Variants in RCAN2 observed in about 807,000 individuals in gnomAD.
RCAN2 encodes calcipressin-2.
In RCAN2, 9 loss-of-function variants were observed where a neutral mutation model predicts 23.6. That is an observed-to-expected ratio of 0.38 (90% CI 0.23 to 0.67). The LOEUF (loss-of-function observed/expected upper bound fraction) is 0.67. Among genes scored for constraint, RCAN2 ranks in the 30% least tolerant of loss-of-function variants. The probability of loss-of-function intolerance (pLI) is 0.51; values close to 1 mark genes in which losing one functional copy is unlikely to be tolerated. For synonymous variants in RCAN2, 109 were observed against 115.7 expected (o/e 0.94, Z 0.37); for missense variants, 273 against 302.3 (o/e 0.90, Z 0.72).
At chr6:46,250,041 CTGAG>C (rs1474606712) in intron 2 of RCAN2, among the ~76,000 whole-genome samples, 9 of 152,058 alleles carry the variant, frequency 5.9e-5, no homozygotes, top group African/African-American at 2.2e-4. Flanking sequence ...TTCAATTCAA[CTGAG>C]TAAGTATCTA....
chr6:46,249,867 T>C (rs921604608), intron 2 of RCAN2, among the ~76,000 whole-genome samples: 1 of 151,920 alleles, frequency 6.6e-6, no homozygotes, highest in Non-Finnish European at 1.5e-5. Flanking sequence ...AATAGTTTTC[T>C]CCCGACTCCA....
chr6:46,267,292 G>A (rs1454957052), intron 2 of RCAN2, among the ~76,000 whole-genome samples: 1 of 151,956 alleles, frequency 6.6e-6, no homozygotes. Flanking sequence ...ATAAACATAA[G>A]GACAAAGTGA....
intron 2 of RCAN2, among the ~76,000 whole-genome samples, chr6:46,455,331 T>C (rs1767984563): frequency 6.6e-6 from 1 of 152,196 alleles, no homozygotes; most frequent in South Asian, 2.1e-4. Flanking sequence ...CACACTGATA[T>C]CATTATAAAA....
chr6:46,362,194 G>T (rs1386167922), intron 2 of RCAN2, among the ~76,000 whole-genome samples: 1 of 152,050 alleles, frequency 6.6e-6, no homozygotes, highest in East Asian at 1.9e-4. Context: ...CCCCACTTCT[G>T]GAACCTAAGT....
chr6:46,425,560 A>G (rs1362534411), intron 2 of RCAN2, among the ~76,000 whole-genome samples: 1 of 152,218 alleles, frequency 6.6e-6, no homozygotes, highest in African/African-American at 2.4e-5. Flanking sequence ...ATTTTTTTAA[A>G]AAAAGATATT....
intron 2 of RCAN2, among the ~76,000 whole-genome samples, chr6:46,252,888 T>C (rs1448885107): frequency 6.6e-6 from 1 of 152,210 alleles, no homozygotes; most frequent in East Asian, 1.9e-4. Context: ...CTTCAAATAA[T>C]TGTGAGTATT....
intron 2 of RCAN2, among the ~76,000 whole-genome samples, chr6:46,260,505 G>A (rs535347629): frequency 6.6e-6 from 1 of 152,120 alleles, no homozygotes; most frequent in African/African-American, 2.4e-5. Flanking sequence ...CTTGGAACCT[G>A]TCCTGGAAGC....
rs147532291 is a variant in RCAN2, at chr6:46,438,846, G to A, written c.225+17906C>T. Among the ~76,000 whole-genome samples the A allele has an allele frequency of 6.4e-3, 967 of 152,214 alleles. 9 individuals are homozygous for A. The highest frequency in any genetic ancestry group is 0.023 in the African/African-American group (941 of 41,530). ...CTCCCAATGCCAAGAGCAATACTTG[G>A]GACATGGTAGAGTTTCAATAATTAT... On this transcript the variant is annotated intron_variant, in intron 2 of 4. Transcript: ENST00000371374.
rs1241641558 is a variant in RCAN2, at chr6:46,452,158, A to C, written c.225+4594T>G. 2.0e-5 allele frequency among the ~76,000 whole-genome samples: 3 copies of C among 152,316 alleles called. No individual in the cohort carries two copies. In the East Asian group the frequency reaches 5.8e-4, roughly 29 times the overall value. ...AATAAATATCTGTATATCAGGAGGC[A>C]GTAGTGCATAATGTTTAAGAACATG... On this transcript the variant is annotated intron_variant, in intron 2 of 4. Transcript: ENST00000371374.
intron 2 of RCAN2, among the ~76,000 whole-genome samples, chr6:46,272,790 C>T (rs1334164736): frequency 6.6e-6 from 1 of 152,058 alleles, no homozygotes; most frequent in Non-Finnish European, 1.5e-5. Flanking sequence ...CTAGAAGAAA[C>T]TGATTTCGTA....
intron 2 of RCAN2, among the ~76,000 whole-genome samples, chr6:46,418,141 C>T (rs1766764196): frequency 6.6e-6 from 1 of 152,142 alleles, no homozygotes; most frequent in Non-Finnish European, 1.5e-5. Context: ...AGTAATATAA[C>T]ATTATCTTAA....
At chr6:46,478,574 T>A (rs1768775158) in intron 1 of RCAN2, among the ~76,000 whole-genome samples, 1 of 152,172 alleles carries the variant, frequency 6.6e-6, no homozygotes, top group Admixed American at 6.5e-5. Flanking sequence ...GTCCACATGC[T>A]ATACAATGAG....
rs1002038899 is a variant in RCAN2, at chr6:46,279,000, T to C, written c.226-30104A>G. ...TACCAGACAAGTTAACCAGAATCTC[T>C]TGGGTTGAAACCTGAGCAATGGTAT... On this transcript the variant is annotated intron_variant, in intron 2 of 4. Coordinates refer to ENST00000371374, the MANE Select transcript of RCAN2 (RefSeq NM_001251974.2). Among the ~76,000 whole-genome samples, 4 of 152,184 alleles carry C rather than the reference T, an allele frequency of 2.6e-5. No individual in the cohort carries two copies. The South Asian group carries it at 8.3e-4, about 31-fold the overall frequency.
chr6:46,351,901 T>C (rs1228180574), intron 2 of RCAN2, among the ~76,000 whole-genome samples: 1 of 152,216 alleles, frequency 6.6e-6, no homozygotes, highest in African/African-American at 2.4e-5. Context: ...GTAGTTTACT[T>C]AGAGTGTTCT....
intron 2 of RCAN2, among the ~76,000 whole-genome samples, chr6:46,375,874 A>G (rs1350299802): frequency 1.3e-5 from 2 of 152,208 alleles, no homozygotes; most frequent in Non-Finnish European, 2.9e-5. Flanking sequence ...ATTTTTCCCA[A>G]TCACTTAAAA....
At chr6:46,345,352 C>A (rs1271551594) in intron 2 of RCAN2, among the ~76,000 whole-genome samples, 1 of 151,914 alleles carries the variant, frequency 6.6e-6, no homozygotes, top group South Asian at 2.1e-4. Flanking sequence ...AAATAAAAAT[C>A]AGAAAAGATG....
intron 2 of RCAN2, among the ~76,000 whole-genome samples, chr6:46,452,647 G>A (rs532510223): frequency 3.4e-4 from 52 of 152,140 alleles, no homozygotes; most frequent in Non-Finnish European, 6.2e-4. Flanking sequence ...ATCCTGACAC[G>A]CACCCAGGAA....
intron 2 of RCAN2, among the ~76,000 whole-genome samples, chr6:46,360,761 T>C (rs2150383308): frequency 6.6e-6 from 1 of 152,224 alleles, no homozygotes; most frequent in African/African-American, 2.4e-5. Context: ...TGAACACAAA[T>C]CTGTATTGGT....
At chr6:46,308,091 C>A (rs956893007) in intron 2 of RCAN2, among the ~76,000 whole-genome samples, 4 of 152,164 alleles carry the variant, frequency 2.6e-5, no homozygotes, top group African/African-American at 9.6e-5. Flanking sequence ...AGGCTCCCAG[C>A]CTGACAACCC....
Sources: gnomAD v4.1 joint callset for allele counts (sites outside exome capture counted in the v4.1 genomes callset) on GRCh38, gnomAD v4.1.1 for gene constraint, MANE v1.5 for transcripts, NCBI Gene and HGNC (gene_info 2026-07-23, HGNC 2026-07-21) for gene names.